SEMA5A: variants seen among roughly 807,000 people sequenced by gnomAD.
The protein encoded by SEMA5A is semaphorin 5A, also known as semaphorin-5A.
Under a neutral mutation model 135.5 loss-of-function variants are expected in SEMA5A, and 55 were observed. The ratio of observed to expected loss-of-function variants is 0.41; its 90% CI spans 0.33 to 0.51. The LOEUF (loss-of-function observed/expected upper bound fraction) is 0.51, where lower values mean the gene tolerates loss of function less well. SEMA5A is among the 20% of genes least tolerant of loss of function. The probability of loss-of-function intolerance (pLI) is 0.37; values close to 1 mark genes in which losing one functional copy is unlikely to be tolerated. For synonymous variants in SEMA5A, 580 were observed against 546.5 expected (o/e 1.06, Z -0.85); for missense variants, 1,290 against 1,419.9 (o/e 0.91, Z 1.47).
chr5:9,187,050 A>G (rs1239827026), intron 11 of SEMA5A, among the ~76,000 whole-genome samples: 1 of 152,172 alleles, frequency 6.6e-6, no homozygotes, highest in Non-Finnish European at 1.5e-5. Context: ...TATAAATAAG[A>G]GACCGGAAAA....
intron 3 of SEMA5A, among the ~76,000 whole-genome samples, chr5:9,353,231 GA>G (rs1186593882): frequency 4.3e-5 from 6 of 139,472 alleles, no homozygotes; most frequent in Admixed American, 1.5e-4. Flanking sequence ...GAAAGGAAAG[GA>G]AAGGAAGGAA....
intron 2 of SEMA5A, among the ~76,000 whole-genome samples, chr5:9,394,613 C>T (rs150733689): frequency 0.021 from 3,235 of 152,184 alleles, 49 homozygotes; most frequent in Non-Finnish European, 0.032. Flanking sequence ...CCAGGTTGAT[C>T]TGGGAGGAGG....
intron 6 of SEMA5A, among the ~76,000 whole-genome samples, chr5:9,227,516 T>C (rs1453475420): frequency 6.6e-6 from 1 of 151,942 alleles, no homozygotes; most frequent in East Asian, 1.9e-4. Flanking sequence ...GGGATCCAAC[T>C]GCATATTTTA....
At chr5:9,203,227 C>A (rs1745819458) in intron 8 of SEMA5A, among the ~76,000 whole-genome samples, 1 of 150,274 alleles carries the variant, frequency 6.7e-6, no homozygotes, top group South Asian at 2.1e-4. Flanking sequence ...ATTCAATCAG[C>A]AAGTATCTTA....
chr5:9,196,000 C>G (rs1051120312), intron 10 of SEMA5A, among the ~76,000 whole-genome samples: 1 of 152,260 alleles, frequency 6.6e-6, no homozygotes, highest in Non-Finnish European at 1.5e-5. Flanking sequence ...GCCCCAGGCC[C>G]ACTGTCTTTC....
In SEMA5A at chr5:9,086,207, T is replaced by G. The variant is rs1320761631; in HGVS notation, c.2074-19561A>C. 2.0e-5 allele frequency among the ~76,000 whole-genome samples: 3 copies of G among 152,184 alleles called. No individual in the cohort carries two copies. In the East Asian group the frequency reaches 5.8e-4, roughly 29 times the overall value. Reference sequence around the variant, plus strand: ...AGTTAATGCTGAAGTGTGTTAAGATTTTGGGGGACTGTTGGGAAGGTATGA... The same window carrying G: ...AGTTAATGCTGAAGTGTGTTAAGATGTTGGGGGACTGTTGGGAAGGTATGA... On this transcript the variant is annotated intron_variant, in intron 16 of 22. Transcript: ENST00000382496.
At chr5:9,499,715 A>G (rs1735483597) in intron 1 of SEMA5A, among the ~76,000 whole-genome samples, 1 of 152,222 alleles carries the variant, frequency 6.6e-6, no homozygotes, top group Admixed American at 6.5e-5. Context: ...CAGCAATAGC[A>G]GATAAATAAC....
At chr5:9,247,736 C>A (rs954971407) in intron 5 of SEMA5A, among the ~76,000 whole-genome samples, 1 of 152,112 alleles carries the variant, frequency 6.6e-6, no homozygotes, top group Non-Finnish European at 1.5e-5. Context: ...CCTTATTCAG[C>A]ATTATTTCCA....
At chr5:9,374,352 C>T (rs1400451944) in intron 3 of SEMA5A, among the ~76,000 whole-genome samples, 1 of 147,268 alleles carries the variant, frequency 6.8e-6, no homozygotes, top group African/African-American at 2.5e-5. Context: ...TGCATGAAGA[C>T]GTTCCGTTAC....
intron 1 of SEMA5A, among the ~76,000 whole-genome samples, chr5:9,474,486 T>TA (rs58649675): frequency 0.41 from 60,367 of 146,746 alleles, 12,583 homozygotes; most frequent in Non-Finnish European, 0.47. Context: ...GAAGCATGCT[T>TA]AAAAAAAAAA....
intron 16 of SEMA5A, among the ~76,000 whole-genome samples, chr5:9,095,816 A>G (rs1739284027): frequency 6.6e-6 from 1 of 152,258 alleles, no homozygotes; most frequent in East Asian, 1.9e-4. Context: ...GCCATGAGGC[A>G]AACCAAACGA....
chr5:9,312,717 C>T (rs1342013594), intron 5 of SEMA5A, among the ~76,000 whole-genome samples: 2 of 152,110 alleles, frequency 1.3e-5, no homozygotes, highest in Non-Finnish European at 2.9e-5. Context: ...AGTGATGTTT[C>T]TAGTTTGTCA....
intron 8 of SEMA5A, among the ~76,000 whole-genome samples, chr5:9,206,562 G>A (rs1051340939): frequency 2.0e-5 from 3 of 152,048 alleles, no homozygotes; most frequent in Non-Finnish European, 4.4e-5. Context: ...AATGCCTAAA[G>A]CATCAATATG....
intron 8 of SEMA5A, among the ~76,000 whole-genome samples, chr5:9,207,907 AGATAGATAATAG>A: frequency 2.5e-5 from 1 of 40,076 alleles, no homozygotes; most frequent in Admixed American, 2.3e-4. Flanking sequence ...ATACATAGAT[AGATAGATAATAG>A]ATAGATTTTA....
intron 1 of SEMA5A, among the ~76,000 whole-genome samples, chr5:9,454,017 G>A (rs1758741913): frequency 6.6e-6 from 1 of 152,192 alleles, no homozygotes; most frequent in Non-Finnish European, 1.5e-5. Context: ...CTTCAGGGGA[G>A]CACAGAACTT....
chr5:9,153,945 C>T (rs898585813), intron 12 of SEMA5A, among the ~76,000 whole-genome samples: 2 of 149,162 alleles, frequency 1.3e-5, no homozygotes, highest in Non-Finnish European at 3.0e-5. Flanking sequence ...ACTTGGGAGG[C>T]TGAGGCACGA....
chr5:9,344,483 G>T (rs1753778179), intron 3 of SEMA5A, among the ~76,000 whole-genome samples: 1 of 152,184 alleles, frequency 6.6e-6, no homozygotes, highest in Non-Finnish European at 1.5e-5. Context: ...AAATTGGAAA[G>T]AAGGGAAGCT....
intron 1 of SEMA5A, among the ~76,000 whole-genome samples, chr5:9,477,009 A>C (rs546761032): frequency 1.3e-5 from 2 of 152,138 alleles, no homozygotes; most frequent in East Asian, 1.9e-4. Context: ...CCATATATCA[A>C]GGGAGGGAGG....
intron 8 of SEMA5A, among the ~76,000 whole-genome samples, chr5:9,221,805 C>T (rs1168243921): frequency 6.6e-6 from 1 of 152,136 alleles, no homozygotes. Flanking sequence ...CCCTTTAGAA[C>T]CTAACATTTC....
Sources: allele counts gnomAD v4.1 joint callset (sites outside exome capture counted in the v4.1 genomes callset), GRCh38; gene constraint gnomAD v4.1.1; transcripts MANE v1.5; gene names NCBI Gene and HGNC (gene_info 2026-07-23, HGNC 2026-07-21).